The following TMEM181 variants were observed in gnomAD, a reference collection of about 807,000 sequenced individuals.
TMEM181 encodes the protein G protein-coupled receptor 178.
In TMEM181, 39 loss-of-function variants were observed where a neutral mutation model predicts 71.9. The ratio of observed to expected loss-of-function variants is 0.54; its 90% CI spans 0.42 to 0.71. The LOEUF (loss-of-function observed/expected upper bound fraction) is 0.71. Ranked by LOEUF, TMEM181 falls within the 30% of genes least tolerant of loss-of-function variation. The probability of loss-of-function intolerance (pLI) is 0.00; values close to 1 mark genes in which losing one functional copy is unlikely to be tolerated. For missense variants in TMEM181, 595 were observed against 583.0 expected, an observed-to-expected ratio of 1.02 and a Z score of -0.21; for synonymous variants, 245 against 228.8, an observed-to-expected ratio of 1.07 and a Z score of -0.64.
chr6:158,563,512 C>T (rs1315903809), intron 1 of TMEM181, among the ~76,000 whole-genome samples: 1 of 152,232 alleles, frequency 6.6e-6, no homozygotes, highest in East Asian at 1.9e-4. Flanking sequence ...GTCCAGGCAG[C>T]TGGCCCCCAG....
chr6:158,555,732 C>T (rs1781860010), upstream of TMEM181, among the ~76,000 whole-genome samples: 1 of 152,094 alleles, frequency 6.6e-6, no homozygotes, highest in African/African-American at 2.4e-5. Context: ...CTTGAGAATC[C>T]CATTCTGCTT....
Position 158,577,667 on chromosome 6 carries a change from GAC to G in TMEM181, c.113-3271_113-3270del, listed in dbSNP as rs145735275. Among the ~76,000 whole-genome samples the G allele has an allele frequency of 4.5e-3, 691 of 152,286 alleles. 5 individuals carry two copies. The highest frequency in any genetic ancestry group is 0.016 in the African/African-American group (646 of 41,548). ...TATAATCAAACTGTAGAAAGCCAAA[GAC>G]AGAATCTTGAAAGCAGTAAGAGAGT... On this transcript the variant is annotated intron_variant, in intron 2 of 16. Coordinates refer to ENST00000684151, the MANE Select transcript of TMEM181 (RefSeq NM_001376852.1).
chr6:158,619,862 C>T (rs563799711), intron 10 of TMEM181, among the ~76,000 whole-genome samples: 95 of 116,686 alleles, frequency 8.1e-4, no homozygotes, highest in East Asian at 5.0e-3. Flanking sequence ...AGCGAGACTC[C>T]GTCTCAAAAA....
chr6:158,544,906 T>C (rs1781475979), intron 1 of TMEM181, among the ~76,000 whole-genome samples: 1 of 152,214 alleles, frequency 6.6e-6, no homozygotes, highest in Non-Finnish European at 1.5e-5. Flanking sequence ...TTACCCTAAA[T>C]GTCTTCTGAA....
intron 2 of TMEM181, among the ~76,000 whole-genome samples, chr6:158,580,358 T>C (rs1210635672): frequency 6.6e-6 from 1 of 152,096 alleles, no homozygotes; most frequent in Admixed American, 6.6e-5. Context: ...TTCTTGGATC[T>C]GTAGGAAAAA....
At chr6:158,628,236 GTGTGTGCA>G in intron 13 of TMEM181, 164 bp from the exon 14 acceptor site, 1 of 714,986 alleles carries the variant, frequency 1.4e-6, no homozygotes, top group Non-Finnish European at 2.5e-6. Flanking sequence ...GGCTGTGTGT[GTGTGTGCA>G]TGTGTGCATC....
chr6:158,549,099 T>G (rs1347814815), intron 1 of TMEM181, among the ~76,000 whole-genome samples: 1 of 142,578 alleles, frequency 7.0e-6, no homozygotes, highest in African/African-American at 2.6e-5. Flanking sequence ...TGAGGGAAAA[T>G]GTGCACACTT....
At chr6:158,613,889 C>T (rs1583036667) in intron 10 of TMEM181, among the ~76,000 whole-genome samples, 1 of 152,156 alleles carries the variant, frequency 6.6e-6, no homozygotes, top group Non-Finnish European at 1.5e-5. Flanking sequence ...GTTTCCTTGA[C>T]TCTGGAAAAT....
intron 8 of TMEM181, 129 bp downstream of exon 8, chr6:158,607,472 G>GT (rs1321518132): frequency 1.2e-5 from 9 of 770,458 alleles, no homozygotes; most frequent in South Asian, 3.2e-5. Flanking sequence ...GAAGCCAGGA[G>GT]TTTAACACCA....
intron 2 of TMEM181, among the ~76,000 whole-genome samples, chr6:158,579,674 C>T (rs1318424836): frequency 6.6e-6 from 1 of 151,438 alleles, no homozygotes; most frequent in Non-Finnish European, 1.5e-5. Flanking sequence ...AGCCGAGATC[C>T]TGCCATTGCA....
chr6:158,582,840 A>G (rs1267012434), intron 3 of TMEM181, among the ~76,000 whole-genome samples: 1 of 152,190 alleles, frequency 6.6e-6, no homozygotes, highest in African/African-American at 2.4e-5. Context: ...TGGCAACATC[A>G]TCACCTCTAA....
chr6:158,555,561 T>C (rs1236577631), upstream of TMEM181, among the ~76,000 whole-genome samples: 3 of 152,218 alleles, frequency 2.0e-5, no homozygotes, highest in Non-Finnish European at 2.9e-5. Context: ...GCTAACTGTA[T>C]AGTTTCAGAG....
chr6:158,595,627 T>C (rs1392482762), intron 6 of TMEM181, among the ~76,000 whole-genome samples: 1 of 152,240 alleles, frequency 6.6e-6, no homozygotes, highest in Admixed American at 6.5e-5. Flanking sequence ...CTTCATGTAA[T>C]GTCATGGAGG....
At chr6:158,596,541 C>T (rs901963829) in intron 6 of TMEM181, among the ~76,000 whole-genome samples, 9 of 152,168 alleles carry the variant, frequency 5.9e-5, no homozygotes, top group Non-Finnish European at 1.3e-4. Flanking sequence ...TCCCCTGGTG[C>T]CACTGTTTGT....
intron 13 of TMEM181, 156 bp from the exon 14 acceptor site, chr6:158,628,252 A>C: frequency 4.1e-6 from 3 of 732,002 alleles, no homozygotes; most frequent in South Asian, 1.5e-5. Context: ...GCATGTGTGC[A>C]TCTGTGCGTG....
chr6:158,617,537 T>C (rs1267402385), intron 10 of TMEM181, among the ~76,000 whole-genome samples: 1 of 152,208 alleles, frequency 6.6e-6, no homozygotes, highest in East Asian at 1.9e-4. Context: ...ATGTGTTTGC[T>C]CTTGCTTCTC....
chr6:158,596,342 T>G (rs1784390100), intron 6 of TMEM181, among the ~76,000 whole-genome samples: 1 of 152,218 alleles, frequency 6.6e-6, no homozygotes, highest in African/African-American at 2.4e-5. Context: ...TCTTGCTTCT[T>G]CAGCAGTGCC....
At chr6:158,550,862 A>G (rs1325119033) in intron 1 of TMEM181, among the ~76,000 whole-genome samples, 2 of 138,162 alleles carry the variant, frequency 1.4e-5, no homozygotes, top group Non-Finnish European at 3.1e-5. Context: ...ATAGCACTCC[A>G]GCCTGGGTGA....
chr6:158,543,797 G>A (rs1293031244), intron 1 of TMEM181, among the ~76,000 whole-genome samples: 1 of 152,188 alleles, frequency 6.6e-6, no homozygotes, highest in African/African-American at 2.4e-5. Flanking sequence ...GGCACTGGGG[G>A]TTAGGACTTC....
Sources: gnomAD v4.1 joint callset for allele counts (sites outside exome capture counted in the v4.1 genomes callset) on GRCh38, gnomAD v4.1.1 for gene constraint, MANE v1.5 for transcripts, NCBI Gene and HGNC (gene_info 2026-07-23, HGNC 2026-07-21) for gene names.